Variants in TLL1 observed in about 807,000 individuals in gnomAD.
TLL1 encodes the protein tolloid like 1.
Under a neutral mutation model 128.2 loss-of-function variants are expected in TLL1, and 49 were observed. The observed-to-expected ratio is 0.38, with a 90% CI of 0.30 to 0.48. The LOEUF (loss-of-function observed/expected upper bound fraction) is 0.48. Ranked by LOEUF, TLL1 falls within the 20% of genes least tolerant of loss-of-function variation. The pLI is 0.96. For missense variants in TLL1, 1,123 were observed against 1,242.0 expected (o/e 0.90, Z 1.44); for synonymous variants, 454 against 418.8 (o/e 1.08, Z -1.03).
Position 166,078,337 on chromosome 4 carries a change from A to G in TLL1, c.2442+307A>G, listed in dbSNP as rs72976333. The stretch of plus-strand genomic sequence containing the variant: ...GTAATTATATTTCCAAATTTGGAAA[A>G]TAAACGATGGAACAAAAAAATCGGA... On this transcript the variant is annotated intron_variant, in intron 18 of 20. Coordinates refer to ENST00000061240, the MANE Select transcript of TLL1 (RefSeq NM_012464.5). Among the ~76,000 whole-genome samples the G allele has an allele frequency of 5.0e-3, 764 of 152,314 alleles. 5 individuals are homozygous for G. The highest frequency in any genetic ancestry group is 0.017 in the African/African-American group (727 of 41,568).
At chr4:165,901,725 G>C (rs187560416) in intron 1 of TLL1, among the ~76,000 whole-genome samples, 127 of 152,290 alleles carry the variant, frequency 8.3e-4, no homozygotes, top group African/African-American at 2.8e-3. Context: ...CAGTGGTCAG[G>C]GACCCACTTG....
At chr4:166,096,732 C>A (rs1369500296) in intron 19 of TLL1, among the ~76,000 whole-genome samples, 18 of 152,168 alleles carry the variant, frequency 1.2e-4, no homozygotes, top group Non-Finnish European at 1.5e-5. Context: ...ATATATCAGT[C>A]AATTCTCAAA....
At chr4:166,072,891 C>CAATTGCAAATGTGAACT (rs138737075) in intron 16 of TLL1, among the ~76,000 whole-genome samples, 1,614 of 152,120 alleles carry the variant, frequency 0.011, 31 homozygotes, top group African/African-American at 0.037. Flanking sequence ...GTTTATTAGT[C>CAATTGCAAATGTGAACT]AATTGCAAAT....
Position 165,947,868 on chromosome 4 carries a change from A to G in TLL1, c.170-41513A>G, listed in dbSNP as rs560959594. 5.3e-5 allele frequency among the ~76,000 whole-genome samples: 8 copies of G among 152,286 alleles called. No homozygotes were observed. In the South Asian group the frequency reaches 1.7e-3, roughly 32 times the overall value. ...AACTCACAAGATTGTTGAGAATTGTATACCAGTAGAACACTGCCAGCATGG... is the reference window on the plus strand; with the variant it reads ...AACTCACAAGATTGTTGAGAATTGTGTACCAGTAGAACACTGCCAGCATGG... On this transcript the variant is annotated intron_variant, in intron 1 of 20. Coordinates refer to ENST00000061240, the MANE Select transcript of TLL1 (RefSeq NM_012464.5).
intron 5 of TLL1, among the ~76,000 whole-genome samples, chr4:165,995,969 T>C (rs1173907406): frequency 6.6e-6 from 1 of 152,106 alleles, no homozygotes; most frequent in Non-Finnish European, 1.5e-5. Flanking sequence ...TAAATTATCT[T>C]TTTTTAATAA....
At chr4:165,936,597 T>C (rs79599433) in intron 1 of TLL1, among the ~76,000 whole-genome samples, 2,763 of 152,284 alleles carry the variant, frequency 0.018, 94 homozygotes, top group African/African-American at 0.063. Flanking sequence ...CATATGTAAC[T>C]GTATACACAG....
At chr4:165,898,272 T>C (rs1028406162) in intron 1 of TLL1, among the ~76,000 whole-genome samples, 9 of 152,230 alleles carry the variant, frequency 5.9e-5, no homozygotes, top group Admixed American at 5.2e-4. Flanking sequence ...CTATGTTGAA[T>C]AGGAGTGGTG....
intron 1 of TLL1, among the ~76,000 whole-genome samples, chr4:165,908,309 G>T (rs1401067948): frequency 6.6e-6 from 1 of 152,142 alleles, no homozygotes; most frequent in Non-Finnish European, 1.5e-5. Context: ...AGAAGGATGG[G>T]TCAGGCACAG....
At chr4:166,014,687 A>T in intron 8 of TLL1, 127 bp downstream of exon 8, 2 of 1,413,678 alleles carry the variant, frequency 1.4e-6, no homozygotes, top group Admixed American at 3.4e-5. Flanking sequence ...TACAGTTCAA[A>T]GTCAGTAATC....
chr4:165,880,470 A>G lies in TLL1; in HGVS notation c.169+6397A>G, dbSNP rs555755133. ...GTATTTTTTAAAAGAACTTCTTTGA[A>G]TGATAGTAATTTTAAAAAGTTGAAA... On this transcript the variant is annotated intron_variant, in intron 1 of 20. Transcript: ENST00000061240. 3.9e-5 allele frequency among the ~76,000 whole-genome samples: 6 copies of G among 152,336 alleles called. No homozygotes were observed. In the East Asian group the frequency reaches 1.2e-3, roughly 29 times the overall value.
chr4:166,099,231 T>A, intron 19 of TLL1, 46 bp from the exon 20 acceptor site: 1 of 1,612,858 alleles, frequency 6.2e-7, no homozygotes, highest in Non-Finnish European at 8.5e-7. Flanking sequence ...ATTGGACCCG[T>A]TAAAGCTCAT....
At chr4:166,036,789 C>CTGTGTG (rs3047083) in intron 9 of TLL1, among the ~76,000 whole-genome samples, 6,669 of 145,158 alleles carry the variant, frequency 0.046, 211 homozygotes, top group African/African-American at 0.079. Context: ...CCCTATCCAA[C>CTGTGTG]TGTGTGTGTG....
intron 1 of TLL1, among the ~76,000 whole-genome samples, chr4:165,930,687 G>T (rs747961647): frequency 3.3e-5 from 5 of 152,140 alleles, no homozygotes; most frequent in African/African-American, 4.8e-5. Context: ...ATTGAGATCA[G>T]TTCTCTCAGG....
At chr4:166,015,365 T>C (rs2111052544) in intron 8 of TLL1, among the ~76,000 whole-genome samples, 1 of 152,144 alleles carries the variant, frequency 6.6e-6, no homozygotes, top group African/African-American at 2.4e-5. Flanking sequence ...AGGTTGCAGA[T>C]ACAATAAAAC....
intron 11 of TLL1, among the ~76,000 whole-genome samples, 167 bp from the exon 12 acceptor site, chr4:166,043,107 T>A (rs939465352): frequency 4.8e-4 from 73 of 152,242 alleles, no homozygotes; most frequent in African/African-American, 1.7e-3. Flanking sequence ...AGGTTTTTTT[T>A]ACCACATAAA....
intron 5 of TLL1, among the ~76,000 whole-genome samples, chr4:166,001,339 A>T (rs990569625): frequency 6.6e-5 from 10 of 152,142 alleles, no homozygotes; most frequent in African/African-American, 2.4e-4. Context: ...CTATAATATT[A>T]TGCCATTTAA....
intron 8 of TLL1, among the ~76,000 whole-genome samples, chr4:166,021,539 T>C (rs1023809720): frequency 4.0e-5 from 6 of 151,204 alleles, no homozygotes; most frequent in African/African-American, 1.5e-4. Flanking sequence ...TTCAAGCAAT[T>C]CTCCTGCCTC....
intron 1 of TLL1, among the ~76,000 whole-genome samples, chr4:165,881,098 G>A (rs567142065): frequency 2.6e-5 from 4 of 152,246 alleles, no homozygotes; most frequent in African/African-American, 7.2e-5. Context: ...TTTGTGTTTC[G>A]TATTCAGATT....
chr4:166,056,748 C>T (rs949935195), intron 13 of TLL1, among the ~76,000 whole-genome samples: 2 of 152,094 alleles, frequency 1.3e-5, no homozygotes, highest in South Asian at 2.1e-4. Context: ...CAGAAAAACA[C>T]ACACTGTGTC....
Sources: gnomAD v4.1 joint callset for allele counts (sites outside exome capture counted in the v4.1 genomes callset) on GRCh38, gnomAD v4.1.1 for gene constraint, MANE v1.5 for transcripts, NCBI Gene and HGNC (gene_info 2026-07-23, HGNC 2026-07-21) for gene names.